The following FNDC10 variants were observed in gnomAD, a reference collection of about 807,000 sequenced individuals.
FNDC10 encodes fibronectin type III domain containing 10.
Under a neutral mutation model 11.6 loss-of-function variants are expected in FNDC10, and 8 were observed. That is an observed-to-expected ratio of 0.69 (90% CI 0.41 to 1.25). The LOEUF is 1.25. Ranked by LOEUF, FNDC10 falls within the 50% of genes most tolerant of loss-of-function variation. The pLI is 0.01. For synonymous variants in FNDC10, 187 were observed against 162.9 expected (o/e 1.15, Z -1.12); for missense variants, 308 against 330.2 (o/e 0.93, Z 0.52).
In FNDC10 at chr1:1,599,726, G is replaced by C; in HGVS notation, c.290C>G (p.Pro97Arg). Residue 97 changes from proline to arginine, a missense_variant, in exon 1 of 1, where the codon CCG becomes CGG. By Grantham distance (103) the Pro-to-Arg change is moderately radical. Coordinates refer to ENST00000422725, the MANE Select transcript of FNDC10 (RefSeq NM_001242659.2). The surrounding 1 kb of genome is among the most constrained non-coding windows in gnomAD (Gnocchi z 6.7). ...GGCGCGCACGCGGCGCGCGGCGGCC[G>C]GGGCCAGGCGCCACTGCAGGAGGAC... ...RSVLLQWRLA[P>R]AAARRVRAFA... 1 of 1,325,412 alleles carries C rather than the reference G, an allele frequency of 7.5e-7. No individual in the cohort carries two copies. Among genetic ancestry groups the C allele is most frequent in the Non-Finnish European group, 9.6e-7 (1 of 1,045,858 alleles). The allele number at this position is 1,325,412 out of a possible 1,614,324, so 82.1% of individuals were successfully genotyped here.
At position 1,600,024 on chromosome 1, in the gene FNDC10, G is replaced by T. The variant is rs1643095613; in HGVS notation, c.-9C>A. On this transcript the variant is annotated 5_prime_UTR_variant, in exon 1 of 1. Transcript: ENST00000422725. ...AGCGGCGGGGCGCGCATCCTGCGGC[G>T]GGGCCACGGGGCGCGGCGCTGGGTC... The T allele has an allele frequency of 2.0e-6, 2 of 978,940 alleles. No homozygotes were observed. Among genetic ancestry groups the T allele is most frequent in the South Asian group, 9.1e-5 (2 of 21,902 alleles). 60.6% of individuals were successfully genotyped at this position (978,940 alleles called of 1,614,324 possible).
rs1050561806 is a variant in FNDC10 at position 1,598,133 on chromosome 1, G to C, written c.*1202C>G. ...TACAGGTGTCACACGGCACCAGCCA[G>C]GGCCCGGGGTGGCTGGGGTGAGGAT... On this transcript the variant is annotated 3_prime_UTR_variant, in exon 1 of 1. Coordinates refer to ENST00000422725, the MANE Select transcript of FNDC10 (RefSeq NM_001242659.2). 3.9e-5 allele frequency: 6 copies of C among 152,560 alleles called. No individual in the cohort carries two copies. The highest frequency in any genetic ancestry group is 1.4e-4 in the African/African-American group (6 of 41,476). 9.5% of individuals were successfully genotyped at this position (152,560 alleles called of 1,614,324 possible).
In FNDC10 at chr1:1,599,545, G is replaced by A. The variant is rs952381168; in HGVS notation, c.471C>T (p.Pro157=). Residue 157 remains proline (P), a synonymous_variant, in exon 1 of 1, where the codon CCC becomes CCT. Transcript: ENST00000422725. This position sits in a 1 kb window ranked among gnomAD's most constrained non-coding sequence, Gnocchi z 6.7. ...CGGGGGTCTCTGGCGCGGCGGCGGCGGGCCCAGCGCGCAGCGGCAGCGGCT... is the reference window on the plus strand; with the variant it reads ...CGGGGGTCTCTGGCGCGGCGGCGGCAGGCCCAGCGCGCAGCGGCAGCGGCT... ...CLQPLPLRAG[P]AAAAPETPEP... is the part of the protein sequence containing the mutation. The A allele has an allele frequency of 2.0e-6, 3 of 1,506,208 alleles. No homozygotes were observed. The highest frequency in any genetic ancestry group is 1.8e-6 in the Non-Finnish European group (2 of 1,136,882). The allele number at this position is 1,506,208 out of a possible 1,614,324, so 93.3% of individuals were successfully genotyped here.
Position 1,599,544 on chromosome 1 carries a change from C to G in FNDC10, c.472G>C (p.Ala158Pro). ...TCGGGGGTCTCTGGCGCGGCGGCGGCGGGCCCAGCGCGCAGCGGCAGCGGC... is the reference window on the plus strand; with the variant it reads ...TCGGGGGTCTCTGGCGCGGCGGCGGGGGGCCCAGCGCGCAGCGGCAGCGGC... ...LQPLPLRAGP[A>P]AAAPETPEPA... Residue 158 changes from alanine to proline, a missense_variant, in exon 1 of 1, where the codon GCC becomes CCC. Physicochemically the swap from Ala to Pro is conservative, Grantham distance 27. Transcript: ENST00000422725. The surrounding 1 kb of genome is among the most constrained non-coding windows in gnomAD (Gnocchi z 6.7). The G allele has an allele frequency of 1.3e-6, 2 of 1,504,212 alleles. No individual in the cohort carries two copies. The highest frequency in any genetic ancestry group is 1.8e-6 in the Non-Finnish European group (2 of 1,135,940). The allele number at this position is 1,504,212 out of a possible 1,614,324, so 93.2% of individuals were successfully genotyped here.
In FNDC10 at chr1:1,599,867, C is replaced by T; in HGVS notation, c.149G>A (p.Gly50Asp). 9.7e-7 allele frequency: 1 copy of T among 1,035,566 alleles called. No individual in the cohort carries two copies. Among genetic ancestry groups the T allele is most frequent in the Non-Finnish European group, 1.2e-6 (1 of 865,104 alleles). 64.1% of individuals were successfully genotyped at this position (1,035,566 alleles called of 1,614,324 possible). ...KVLPEGPEAGGGRLCFRSPAR... is the reference protein window; with the variant it reads ...KVLPEGPEAGDGRLCFRSPAR... ...GGGGCTGCGGAAGCACAGGCGCCCGCCGCCCGCCTCGGGGCCCTCGGGCAG... is the reference window on the plus strand; with the variant it reads ...GGGGCTGCGGAAGCACAGGCGCCCGTCGCCCGCCTCGGGGCCCTCGGGCAG... Residue 50 changes from glycine to aspartate, a missense_variant, in exon 1 of 1, where the codon GGC becomes GAC. Gly to Asp is a moderately conservative substitution (Grantham distance 94). Coordinates refer to ENST00000422725, the MANE Select transcript of FNDC10 (RefSeq NM_001242659.2). The surrounding 1 kb of genome is among the most constrained non-coding windows in gnomAD (Gnocchi z 6.7).
chr1:1,598,987 C>T lies in FNDC10; in HGVS notation c.*348G>A. The T allele has an allele frequency of 5.7e-6, 2 of 351,846 alleles. No individual in the cohort carries two copies. Among genetic ancestry groups the T allele is most frequent in the Admixed American group, 4.7e-5 (1 of 21,264 alleles). 21.8% of individuals were successfully genotyped at this position (351,846 alleles called of 1,614,324 possible). A position where few individuals can be genotyped will look rare whatever the true frequency, so the allele number is the denominator to read the frequency against. ...CGACGGTCTGTCTGGGACAATTCGG[C>T]ACAGGATGGAGGTGCGGGGTGAGCC... On this transcript the variant is annotated 3_prime_UTR_variant, in exon 1 of 1. Coordinates refer to ENST00000422725, the MANE Select transcript of FNDC10 (RefSeq NM_001242659.2).
chr1:1,598,144 G>A lies in FNDC10; in HGVS notation c.*1191C>T, dbSNP rs1427834224. On this transcript the variant is annotated 3_prime_UTR_variant, in exon 1 of 1. Coordinates refer to ENST00000422725, the MANE Select transcript of FNDC10 (RefSeq NM_001242659.2). ...CACGGCACCAGCCAGGGCCCGGGGT[G>A]GCTGGGGTGAGGATGGGTGTTTGGC... 6.6e-6 allele frequency: 1 copy of A among 152,654 alleles called. No individual in the cohort carries two copies. The highest frequency in any genetic ancestry group is 1.5e-5 in the Non-Finnish European group (1 of 68,300). 9.5% of individuals were successfully genotyped at this position (152,654 alleles called of 1,614,324 possible). A position where few individuals can be genotyped will look rare whatever the true frequency, so the allele number is the denominator to read the frequency against.
Position 1,599,229 on chromosome 1 carries a change from G to C in FNDC10, c.*106C>G, listed in dbSNP as rs1643081542. ...TCGCCGGCAGGTCCTCCTCCGCGGG[G>C]ATCTTAAGGAGGCAGCAGGAATGAG... is the stretch of plus-strand genomic sequence containing the variant. On this transcript the variant is annotated 3_prime_UTR_variant, in exon 1 of 1. Coordinates refer to ENST00000422725, the MANE Select transcript of FNDC10 (RefSeq NM_001242659.2). The surrounding 1 kb of genome is among the most constrained non-coding windows in gnomAD (Gnocchi z 6.7). 5.3e-6 allele frequency: 6 copies of C among 1,130,236 alleles called. No individual in the cohort carries two copies. The highest frequency in any genetic ancestry group is 7.2e-6 in the Non-Finnish European group (6 of 835,432). The allele number at this position is 1,130,236 out of a possible 1,614,324, so 70.0% of individuals were successfully genotyped here.
At position 1,599,524 on chromosome 1, in the gene FNDC10, G is replaced by A. The variant is rs972986665; in HGVS notation, c.492C>T (p.Thr164=). ...RAGPAAAAPE[T]PEPAECVEFT... is the part of the protein sequence containing the mutation. ...ACTCCACGCACTCGGCCGGCTCGGG[G>A]GTCTCTGGCGCGGCGGCGGCGGGCC... The change falls in exon 1 of 1, where the codon ACC becomes ACT. Residue 164 remains threonine (T), a synonymous_variant. Transcript: ENST00000422725. This position sits in a 1 kb window ranked among gnomAD's most constrained non-coding sequence, Gnocchi z 6.7. 3.8e-5 allele frequency: 57 copies of A among 1,513,226 alleles called. No individual in the cohort carries two copies. Among genetic ancestry groups the A allele is most frequent in the Non-Finnish European group, 4.8e-5 (55 of 1,139,414 alleles). The allele number at this position is 1,513,226 out of a possible 1,614,324, so 93.7% of individuals were successfully genotyped here. A position where few individuals can be genotyped will look rare whatever the true frequency, so the allele number is the denominator to read the frequency against.
chr1:1,599,271 G>A lies in FNDC10; in HGVS notation c.*64C>T, dbSNP rs1041904527. On this transcript the variant is annotated 3_prime_UTR_variant, in exon 1 of 1. Transcript: ENST00000422725. The surrounding 1 kb of genome is among the most constrained non-coding windows in gnomAD (Gnocchi z 6.7). ...AGGAATGAGGAGAGGAGAGCGGGCG[G>A]AGGACCTGGGAGCTCAGGCGCCCTC... is the stretch of plus-strand genomic sequence containing the variant. The A allele has an allele frequency of 1.6e-5, 22 of 1,382,890 alleles. No homozygotes were observed. Among genetic ancestry groups the A allele is most frequent in the Non-Finnish European group, 2.1e-5 (22 of 1,054,746 alleles). 85.7% of individuals were successfully genotyped at this position (1,382,890 alleles called of 1,614,324 possible). A position where few individuals can be genotyped will look rare whatever the true frequency, so the allele number is the denominator to read the frequency against.
chr1:1,599,552 G>A lies in FNDC10; in HGVS notation c.464C>T (p.Ala155Val). Residue 155 changes from alanine (A) to valine (V), a missense_variant, in exon 1 of 1, where the codon GCT becomes GTT. By Grantham distance (64) the Ala-to-Val change is moderately conservative (BLOSUM62 0). Coordinates refer to ENST00000422725, the MANE Select transcript of FNDC10 (RefSeq NM_001242659.2). This position sits in a 1 kb window ranked among gnomAD's most constrained non-coding sequence, Gnocchi z 6.7. ...CTCTGGCGCGGCGGCGGCGGGCCCA[G>A]CGCGCAGCGGCAGCGGCTGCAGGCA... Reference protein sequence around the residue: ...RLCLQPLPLRAGPAAAAPETP... With the variant: ...RLCLQPLPLRVGPAAAAPETP... 1.3e-6 allele frequency: 2 copies of A among 1,506,958 alleles called. No individual in the cohort carries two copies. The highest frequency in any genetic ancestry group is 8.8e-7 in the Non-Finnish European group (1 of 1,136,948). The allele number at this position is 1,506,958 out of a possible 1,614,324, so 93.3% of individuals were successfully genotyped here. A position where few individuals can be genotyped will look rare whatever the true frequency, so the allele number is the denominator to read the frequency against.
In FNDC10 at chr1:1,599,287, A is replaced by G. The variant is rs1225737266; in HGVS notation, c.*48T>C. On this transcript the variant is annotated 3_prime_UTR_variant, in exon 1 of 1. Coordinates refer to ENST00000422725, the MANE Select transcript of FNDC10 (RefSeq NM_001242659.2). The surrounding 1 kb of genome is among the most constrained non-coding windows in gnomAD (Gnocchi z 6.7). ...GAGCGGGCGGAGGACCTGGGAGCTC[A>G]GGCGCCCTCAGGCAGGTGGCGCAAA... 4.2e-6 allele frequency: 6 copies of G among 1,421,456 alleles called. No individual in the cohort carries two copies. The highest frequency in any genetic ancestry group is 1.4e-5 in the South Asian group (1 of 71,680). The allele number at this position is 1,421,456 out of a possible 1,614,324, so 88.1% of individuals were successfully genotyped here.
chr1:1,599,151 A>C lies in FNDC10; in HGVS notation c.*184T>G. On this transcript the variant is annotated 3_prime_UTR_variant, in exon 1 of 1. Transcript: ENST00000422725. This position sits in a 1 kb window ranked among gnomAD's most constrained non-coding sequence, Gnocchi z 6.7. ...GGCCAATCCGGGGCCAGAGTCTGGG[A>C]GTCTGACGCCCGGCTGGAAAGGGCG... 3.3e-6 allele frequency: 2 copies of C among 598,274 alleles called. No homozygotes were observed. The highest frequency in any genetic ancestry group is 5.6e-6 in the Non-Finnish European group (2 of 353,992). 37.1% of individuals were successfully genotyped at this position (598,274 alleles called of 1,614,324 possible).
chr1:1,599,999 A>AGCGGCGGGGCGCGCATCCT lies in FNDC10; in HGVS notation c.-3_16dup (p.Leu6GlnfsTer245). 2 of 980,676 alleles carry AGCGGCGGGGCGCGCATCCT rather than the reference A, an allele frequency of 2.0e-6. No individual in the cohort carries two copies. The highest frequency in any genetic ancestry group is 2.4e-6 in the Non-Finnish European group (2 of 828,228). 60.7% of individuals were successfully genotyped at this position (980,676 alleles called of 1,614,324 possible). Reference sequence around the variant, plus strand: ...CGCGCAGGCGGCCAGCAGCAGCAGCAGCGGCGGGGCGCGCATCCTGCGGCG... The same window carrying AGCGGCGGGGCGCGCATCCT: ...CGCGCAGGCGGCCAGCAGCAGCAGCAGCGGCGGGGCGCGCATCCTGCGGCGGGGCGCGCATCCTGCGGCG... On this transcript the variant is annotated frameshift_variant, in exon 1 of 1. Transcript: ENST00000422725. LOFTEE classifies it high-confidence loss of function. This position sits in a 1 kb window ranked among gnomAD's most constrained non-coding sequence, Gnocchi z 6.7.
Position 1,599,101 on chromosome 1 carries a change from G to C in FNDC10, c.*234C>G, listed in dbSNP as rs1010198954. 5 of 546,222 alleles carry C rather than the reference G, an allele frequency of 9.2e-6. No individual in the cohort carries two copies. The African/African-American group carries it at 1.0e-4, about 11-fold the overall frequency. 33.8% of individuals were successfully genotyped at this position (546,222 alleles called of 1,614,324 possible). A position where few individuals can be genotyped will look rare whatever the true frequency, so the allele number is the denominator to read the frequency against. ...GAGAGCGGGGAGAGCCCTGGATGCGGCTGGCACAGCAGCGCAAGCCCAGGG... is the reference window on the plus strand; with the variant it reads ...GAGAGCGGGGAGAGCCCTGGATGCGCCTGGCACAGCAGCGCAAGCCCAGGG... On this transcript the variant is annotated 3_prime_UTR_variant, in exon 1 of 1. Transcript: ENST00000422725. This position sits in a 1 kb window ranked among gnomAD's most constrained non-coding sequence, Gnocchi z 6.7.
Position 1,599,264 on chromosome 1 carries a change from G to C in FNDC10, c.*71C>G, listed in dbSNP as rs556875059. On this transcript the variant is annotated 3_prime_UTR_variant, in exon 1 of 1. Coordinates refer to ENST00000422725, the MANE Select transcript of FNDC10 (RefSeq NM_001242659.2). The surrounding 1 kb of genome is among the most constrained non-coding windows in gnomAD (Gnocchi z 6.7). ...AGGCAGCAGGAATGAGGAGAGGAGAGCGGGCGGAGGACCTGGGAGCTCAGG... is the reference window on the plus strand; with the variant it reads ...AGGCAGCAGGAATGAGGAGAGGAGACCGGGCGGAGGACCTGGGAGCTCAGG... 12 of 1,348,902 alleles carry C rather than the reference G, an allele frequency of 8.9e-6. No homozygotes were observed. The highest frequency in any genetic ancestry group is 1.2e-5 in the Non-Finnish European group (12 of 1,026,052). The allele number at this position is 1,348,902 out of a possible 1,614,324, so 83.6% of individuals were successfully genotyped here.
chr1:1,599,828 C>A lies in FNDC10; in HGVS notation c.188G>T (p.Arg63Leu). ...LCFRSPARGFRCQAPGCVLHA... is the reference protein window; with the variant it reads ...LCFRSPARGFLCQAPGCVLHA... ...CAGCACGCAGCCCGGAGCCTGGCAG[C>A]GGAAGCCGCGCGCGGGGCTGCGGAA... The change falls in exon 1 of 1, where the codon CGC becomes CTC. Residue 63 changes from arginine (R) to leucine (L), a missense_variant. Transcript: ENST00000422725. The surrounding 1 kb of genome is among the most constrained non-coding windows in gnomAD (Gnocchi z 6.7). The A allele has an allele frequency of 3.6e-6, 4 of 1,114,844 alleles. No homozygotes were observed. The highest frequency in any genetic ancestry group is 4.4e-6 in the Non-Finnish European group (4 of 916,044). The allele number at this position is 1,114,844 out of a possible 1,614,324, so 69.1% of individuals were successfully genotyped here.
At position 1,599,352 on chromosome 1, in the gene FNDC10, G is replaced by A. The variant is rs759461002; in HGVS notation, c.664C>T (p.Leu222=). 1.1e-5 allele frequency: 16 copies of A among 1,522,576 alleles called. No homozygotes were observed. The East Asian group carries it at 4.0e-4, about 38-fold the overall frequency. The allele number at this position is 1,522,576 out of a possible 1,614,324, so 94.3% of individuals were successfully genotyped here. The change falls in exon 1 of 1, where the codon CTG becomes TTG. Residue 222 remains leucine (L), a synonymous_variant. Transcript: ENST00000422725. The surrounding 1 kb of genome is among the most constrained non-coding windows in gnomAD (Gnocchi z 6.7). ...LMRPALARPG[L]RRHP ...CTCGCGCTTCAGGGGTGTCTGCGCA[G>A]GCCGGGGCGCGCGAGGGCCGGGCGC...
rs1643081463 is a variant in FNDC10 at position 1,599,223 on chromosome 1, C to G, written c.*112G>C. 2.7e-6 allele frequency: 3 copies of G among 1,097,940 alleles called. No homozygotes were observed. The Admixed American group carries it at 9.5e-5, about 35-fold the overall frequency. 68.0% of individuals were successfully genotyped at this position (1,097,940 alleles called of 1,614,324 possible). A position where few individuals can be genotyped will look rare whatever the true frequency, so the allele number is the denominator to read the frequency against. On this transcript the variant is annotated 3_prime_UTR_variant, in exon 1 of 1. Transcript: ENST00000422725. The surrounding 1 kb of genome is among the most constrained non-coding windows in gnomAD (Gnocchi z 6.7). The stretch of plus-strand genomic sequence containing the variant: ...GAGCCGTCGCCGGCAGGTCCTCCTC[C>G]GCGGGGATCTTAAGGAGGCAGCAGG...
Sources: gnomAD v4.1 joint callset for allele counts on GRCh38, gnomAD v4.1.1 for gene constraint, Gnocchi (gnomAD v3.1) non-coding constraint, MANE v1.5 for transcripts, NCBI Gene and HGNC (gene_info 2026-07-23, HGNC 2026-07-21) for gene names.